The following NEMP2 variants were observed in gnomAD, a reference collection of about 807,000 sequenced individuals.
NEMP2 encodes the protein UPF0571 transmembrane protein.
A neutral mutation model predicts 54.2 loss-of-function variants in NEMP2; 53 were observed. The ratio of observed to expected loss-of-function variants is 0.98; its 90% CI spans 0.78 to 1.23. The LOEUF is 1.23. NEMP2 is among the 50% of genes most tolerant of loss of function. NEMP2 has a pLI of 0.00. For missense variants in NEMP2, 455 were observed against 511.3 expected, an observed-to-expected ratio of 0.89 and a Z score of 1.06; for synonymous variants, 197 against 190.3, an observed-to-expected ratio of 1.04 and a Z score of -0.29.
chr2:190,468,259 A>G, the NEMP2 span, among the ~76,000 whole-genome samples: 3 of 152,290 alleles, frequency 2.0e-5, no homozygotes, highest in Non-Finnish European at 2.9e-5. Flanking sequence ...GACTTTTTGT[A>G]ATACTTCACT....
the NEMP2 span, among the ~76,000 whole-genome samples, chr2:190,547,864 T>G: frequency 6.6e-6 from 1 of 152,138 alleles, no homozygotes. The surrounding 1 kb of genome is among the most constrained non-coding windows in gnomAD (Gnocchi z 6.2). Flanking sequence ...TATAATAAAA[T>G]AAGAAAAATT....
At chr2:190,472,053 C>G in the NEMP2 span, among the ~76,000 whole-genome samples, 1 of 152,182 alleles carries the variant, frequency 6.6e-6, no homozygotes, top group Non-Finnish European at 1.5e-5. Context: ...GGAAAACTAA[C>G]AAACAGAAAG....
At chr2:190,484,930 C>T in the NEMP2 span, among the ~76,000 whole-genome samples, 1 of 151,920 alleles carries the variant, frequency 6.6e-6, no homozygotes, top group African/African-American at 2.4e-5. Context: ...TGTTTTTGTG[C>T]TTTACTATTT....
At chr2:190,558,527 A>G in the NEMP2 span, among the ~76,000 whole-genome samples, 1 of 152,244 alleles carries the variant, frequency 6.6e-6, no homozygotes, top group African/African-American at 2.4e-5. The surrounding 1 kb of genome is among the most constrained non-coding windows in gnomAD (Gnocchi z 4.4). Flanking sequence ...TGCTATTTAG[A>G]TACTAAAAGA....
In NEMP2 at chr2:190,534,548, T is replaced by C. The variant is rs1179542268; in HGVS notation, c.97+11A>G. On this transcript the variant is annotated intron_variant, in intron 1 of 8. Coordinates refer to ENST00000409150, the MANE Select transcript of NEMP2 (RefSeq NM_001142645.2). The stretch of plus-strand genomic sequence containing the variant: ...CGCACGCGCGCGCCGCCGCCGCCGG[T>C]CCCGGGTTACCTGATAACGCTGCCG... The C allele has an allele frequency of 7.2e-7, 1 of 1,394,532 alleles. No individual in the cohort carries two copies. The highest frequency in any genetic ancestry group is 9.3e-7 in the Non-Finnish European group (1 of 1,077,866). 86.4% of individuals were successfully genotyped at this position (1,394,532 alleles called of 1,614,324 possible).
the NEMP2 span, among the ~76,000 whole-genome samples, chr2:190,459,480 G>A: frequency 9.9e-5 from 15 of 152,180 alleles, no homozygotes; most frequent in African/African-American, 3.4e-4. This position sits in a 1 kb window ranked among gnomAD's most constrained non-coding sequence, Gnocchi z 5.3. Context: ...TGTAGGGGGT[G>A]TGTGTGTGAA....
At chr2:190,644,088 A>T in the NEMP2 span, among the ~76,000 whole-genome samples, 1 of 152,236 alleles carries the variant, frequency 6.6e-6, no homozygotes. This position sits in a 1 kb window ranked among gnomAD's most constrained non-coding sequence, Gnocchi z 4.4. Flanking sequence ...AAAAACAAAT[A>T]CAAGGAAAAC....
At chr2:190,598,341 T>G in the NEMP2 span, among the ~76,000 whole-genome samples, 1 of 152,266 alleles carries the variant, frequency 6.6e-6, no homozygotes, top group Non-Finnish European at 1.5e-5. Context: ...ATTCTTCTAC[T>G]TATGGAAGTT....
the NEMP2 span, among the ~76,000 whole-genome samples, chr2:190,485,594 T>C: frequency 1.3e-5 from 2 of 152,186 alleles, no homozygotes; most frequent in Non-Finnish European, 2.9e-5. The surrounding 1 kb of genome is among the most constrained non-coding windows in gnomAD (Gnocchi z 5.1). Context: ...TCTTTAATAA[T>C]AGAAATGAAA....
Position 190,525,269 on chromosome 2 carries a change from A to G in NEMP2, c.207T>C (p.Thr69=), listed in dbSNP as rs1479094770. ...GTTAAAAGTAGGCCCTTACCTGCAT[A>G]GTTGACCATATGTATTTCCACTCCA... ...SQVEWKYIWS[T]MQVKITSPGL... is the part of the protein sequence containing the mutation. The change falls in exon 2 of 9, where the codon ACT becomes ACC. Residue 69 remains threonine, a synonymous_variant. Coordinates refer to ENST00000409150, the MANE Select transcript of NEMP2 (RefSeq NM_001142645.2). This position sits in a 1 kb window ranked among gnomAD's most constrained non-coding sequence, Gnocchi z 5.0. 6.5e-7 allele frequency: 1 copy of G among 1,531,920 alleles called. No individual in the cohort carries two copies. 94.9% of individuals were successfully genotyped at this position (1,531,920 alleles called of 1,614,324 possible).
chr2:190,626,351 ATTAAT>A, the NEMP2 span: 1 of 152,176 alleles, frequency 6.6e-6, no homozygotes, highest in African/African-American at 2.4e-5. The surrounding 1 kb of genome is among the most constrained non-coding windows in gnomAD (Gnocchi z 4.5). Context: ...GAAAATAATA[ATTAAT>A]TTAAAAGTTA....
the NEMP2 span, among the ~76,000 whole-genome samples, chr2:190,621,926 T>C: frequency 5.9e-5 from 9 of 152,174 alleles, no homozygotes; most frequent in African/African-American, 1.9e-4. Flanking sequence ...CTGGCCAACA[T>C]GGTGAAACCC....
chr2:190,454,411 G>A, the NEMP2 span: 4 of 152,188 alleles, frequency 2.6e-5, no homozygotes, highest in Non-Finnish European at 5.9e-5. This position sits in a 1 kb window ranked among gnomAD's most constrained non-coding sequence, Gnocchi z 4.6. Flanking sequence ...TTAGAGATGG[G>A]ATCTTTGGGA....
chr2:190,489,490 T>C, the NEMP2 span, among the ~76,000 whole-genome samples: 7 of 152,290 alleles, frequency 4.6e-5, no homozygotes, highest in East Asian at 1.9e-4. This position sits in a 1 kb window ranked among gnomAD's most constrained non-coding sequence, Gnocchi z 6.6. Context: ...GAGAGCACCA[T>C]TGAATTGTAT....
At chr2:190,478,899 A>T in the NEMP2 span, among the ~76,000 whole-genome samples, 1 of 151,932 alleles carries the variant, frequency 6.6e-6, no homozygotes, top group Non-Finnish European at 1.5e-5. Flanking sequence ...CCAAAACACC[A>T]CGAGAACTAG....
chr2:190,588,697 G>A, the NEMP2 span, among the ~76,000 whole-genome samples: 1 of 152,134 alleles, frequency 6.6e-6, no homozygotes, highest in African/African-American at 2.4e-5. The surrounding 1 kb of genome is among the most constrained non-coding windows in gnomAD (Gnocchi z 5.0). Flanking sequence ...GCTTGTACTT[G>A]CCTGTCCCAT....
chr2:190,525,525 T>A lies in NEMP2; in HGVS notation c.98-147A>T. 3.7e-6 allele frequency: 2 copies of A among 535,984 alleles called. No individual in the cohort carries two copies. The highest frequency in any genetic ancestry group is 6.6e-6 in the Non-Finnish European group (2 of 301,150). 33.2% of individuals were successfully genotyped at this position (535,984 alleles called of 1,614,324 possible). On this transcript the variant is annotated intron_variant, in intron 1 of 8. Coordinates refer to ENST00000409150, the MANE Select transcript of NEMP2 (RefSeq NM_001142645.2). The surrounding 1 kb of genome is among the most constrained non-coding windows in gnomAD (Gnocchi z 5.0). ...ATATGATAATTATAGTCCTTCAGTG[T>A]TTCCAACCAAGGAGGAGACAGATAG... is the stretch of plus-strand genomic sequence containing the variant.
upstream of NEMP2, among the ~76,000 whole-genome samples, chr2:190,536,392 TA>T (rs1328927379): frequency 2.6e-5 from 4 of 152,136 alleles, no homozygotes; most frequent in Non-Finnish European, 4.4e-5. Flanking sequence ...CAGGAAACAC[TA>T]GGGCTCTGTG....
the NEMP2 span, among the ~76,000 whole-genome samples, chr2:190,597,079 T>C: frequency 1.3e-5 from 2 of 151,976 alleles, no homozygotes; most frequent in Admixed American, 6.6e-5. The surrounding 1 kb of genome is among the most constrained non-coding windows in gnomAD (Gnocchi z 4.7). Context: ...CCGGGCAACA[T>C]AGGGGCACCC....
Sources: gnomAD v4.1 joint callset for allele counts (sites outside exome capture counted in the v4.1 genomes callset) on GRCh38, gnomAD v4.1.1 for gene constraint, Gnocchi (gnomAD v3.1) non-coding constraint, MANE v1.5 for transcripts, NCBI Gene and HGNC (gene_info 2026-07-23, HGNC 2026-07-21) for gene names.